TAB1: variants seen among roughly 807,000 people sequenced by gnomAD.
TAB1 encodes the protein TGF-beta activated kinase 1 (MAP3K7) binding protein 1.
TAB1 carries 30 observed loss-of-function variants against 54.5 expected under a neutral mutation model. The observed-to-expected ratio is 0.55, with a 90% CI of 0.41 to 0.75. The LOEUF is 0.75. TAB1 is among the 30% of genes least tolerant of loss of function. The pLI is 0.00. For synonymous variants in TAB1, 289 were observed against 286.9 expected (o/e 1.01, Z -0.07); for missense variants, 609 against 683.2 (o/e 0.89, Z 1.21).
chr22:39,433,497 G>A (rs1400820666), downstream of TAB1: 1 of 985,216 alleles, frequency 1.0e-6, no homozygotes, highest in Non-Finnish European at 1.2e-6. Flanking sequence ...ACCCAGCTAG[G>A]TTGCTGGCTT....
At chr22:39,420,806 TG>T (rs1927041944) in intron 7 of TAB1, among the ~76,000 whole-genome samples, 5 of 148,492 alleles carry the variant, frequency 3.4e-5, no homozygotes, top group Non-Finnish European at 4.5e-5. Flanking sequence ...TGTGTGTGTG[TG>T]TGTGTGTGTG....
chr22:39,422,400 C>CTTTTTTTT lies in TAB1; in HGVS notation c.921+448_921+455dup, dbSNP rs965591327. Among the ~76,000 whole-genome samples, 15 of 88,524 alleles carry CTTTTTTTT rather than the reference C, an allele frequency of 1.7e-4. 3 individuals are homozygous for CTTTTTTTT. The highest frequency in any genetic ancestry group is 2.7e-4 in the Non-Finnish European group (12 of 44,788). The allele number at this position is 88,524 out of a possible 152,430, so 58.1% of individuals were successfully genotyped here. On this transcript the variant is annotated intron_variant, in intron 8 of 10. Coordinates refer to ENST00000216160, the MANE Select transcript of TAB1 (RefSeq NM_006116.3). ...ACAATTTATAGTTTGCTTCTCATTT[C>CTTTTTTTT]TTTTTTTTTTTTTTTTTTTTTTTTT... is the stretch of plus-strand genomic sequence containing the variant.
chr22:39,413,529 GC>G (rs1414649968), intron 1 of TAB1, among the ~76,000 whole-genome samples: 1 of 151,898 alleles, frequency 6.6e-6, no homozygotes, highest in Non-Finnish European at 1.5e-5. Flanking sequence ...CGATTCTCCT[GC>G]CTCAGCCTCC....
intron 7 of TAB1, among the ~76,000 whole-genome samples, chr22:39,421,385 C>G (rs553921793): frequency 6.6e-6 from 1 of 152,194 alleles, no homozygotes; most frequent in Non-Finnish European, 1.5e-5. Flanking sequence ...CATGTAATGA[C>G]TCTGACCCCA....
chr22:39,426,867 G>A lies in TAB1; in HGVS notation c.1086G>A (p.Val362=). 4 of 1,613,298 alleles carry A rather than the reference G, an allele frequency of 2.5e-6. No homozygotes were observed. The highest frequency in any genetic ancestry group is 3.4e-6 in the Non-Finnish European group (4 of 1,179,984). The change falls in exon 9 of 11, where the codon GTG becomes GTA. Residue 362 remains valine, a synonymous_variant. Transcript: ENST00000216160. ...CPRHEDMTLL[V]RNFGYPLGEM... ...GGCACGAGGACATGACCCTGCTAGT[G>A]AGGAACTTTGGCTACCCGCTGGGCG... is the stretch of plus-strand genomic sequence containing the variant.
At chr22:39,420,775 C>CTGTGTGTGTGTGTGTGTG (rs71326771) in intron 7 of TAB1, among the ~76,000 whole-genome samples, 2 of 71,812 alleles carry the variant, frequency 2.8e-5, no homozygotes, top group African/African-American at 1.0e-4. Context: ...CACGGTGTCT[C>CTGTGTGTGTGTGTGTGTG]TGTGTGTGTG....
rs1368975393 is a variant in TAB1 at position 39,414,851 on chromosome 22, CTG to C, written c.34-153_34-152del. On this transcript the variant is annotated intron_variant, in intron 1 of 10. Transcript: ENST00000216160. ...AAACAGCAAACCCTTCTGCAGGTGTCTGTTCATACAAACATTATTGTTTTCCA... is the reference window on the plus strand; with the variant it reads ...AAACAGCAAACCCTTCTGCAGGTGTCTTCATACAAACATTATTGTTTTCCA... 22 of 754,566 alleles carry C rather than the reference CTG, an allele frequency of 2.9e-5. No homozygotes were observed. In the Admixed American group the frequency reaches 4.2e-4, roughly 14 times the overall value. 46.7% of individuals were successfully genotyped at this position (754,566 alleles called of 1,614,324 possible). A position where few individuals can be genotyped will look rare whatever the true frequency, so the allele number is the denominator to read the frequency against.
intron 7 of TAB1, among the ~76,000 whole-genome samples, chr22:39,420,374 G>A (rs755498075): frequency 1.4e-4 from 22 of 152,178 alleles, no homozygotes; most frequent in Admixed American, 3.9e-4. Context: ...GTCCTTAACC[G>A]TCAGGTAACC....
chr22:39,426,926 G>A lies in TAB1; in HGVS notation c.1144+1G>A, dbSNP rs754196601. 6.2e-7 allele frequency: 1 copy of A among 1,610,312 alleles called. No homozygotes were observed. On this transcript the variant is annotated splice_donor_variant, in intron 9 of 10. Transcript: ENST00000216160. LOFTEE classifies it high-confidence loss of function. ...CAGCCCACACCGAGCCCAGCCCCAGGTACGTGTGCTGTGCAGACAGGCAGT... is the reference window on the plus strand; with the variant it reads ...CAGCCCACACCGAGCCCAGCCCCAGATACGTGTGCTGTGCAGACAGGCAGT...
rs1482647654 is a variant in TAB1 at position 39,430,529 on chromosome 22, C to T, written c.*307C>T. The T allele has an allele frequency of 8.7e-6, 11 of 1,270,232 alleles. No individual in the cohort carries two copies. The highest frequency in any genetic ancestry group is 1.1e-5 in the Non-Finnish European group (11 of 995,598). The allele number at this position is 1,270,232 out of a possible 1,614,324, so 78.7% of individuals were successfully genotyped here. ...GCAGTGGGCCTGCAAGCCGCCCGAGCCTCCCCAGCAGCCTCCTACAGAGCA... is the reference window on the plus strand; with the variant it reads ...GCAGTGGGCCTGCAAGCCGCCCGAGTCTCCCCAGCAGCCTCCTACAGAGCA... On this transcript the variant is annotated 3_prime_UTR_variant, in exon 11 of 11. Transcript: ENST00000216160.
intron 8 of TAB1, among the ~76,000 whole-genome samples, chr22:39,425,191 G>A (rs1331892062): frequency 3.3e-5 from 5 of 151,214 alleles, no homozygotes; most frequent in Non-Finnish European, 7.4e-5. Context: ...TGGCTAATAC[G>A]GTGAAACCCC....
intron 8 of TAB1, among the ~76,000 whole-genome samples, chr22:39,422,692 C>A (rs868281597): frequency 6.6e-6 from 1 of 152,112 alleles, no homozygotes; most frequent in Admixed American, 6.5e-5. Flanking sequence ...CCACCGCGCC[C>A]GGCAGTTCAC....
At chr22:39,436,288 G>A (rs552256531), downstream of TAB1, among the ~76,000 whole-genome samples, 4 of 151,106 alleles carry the variant, frequency 2.6e-5, no homozygotes, top group Non-Finnish European at 4.4e-5. Context: ...GCGAGACTCC[G>A]TCTCAAAAAA....
At chr22:39,422,879 C>T (rs1348163492) in intron 8 of TAB1, among the ~76,000 whole-genome samples, 1 of 152,112 alleles carries the variant, frequency 6.6e-6, no homozygotes, top group East Asian at 1.9e-4. Flanking sequence ...AACTGTCTTT[C>T]CCTGACCTCC....
Position 39,426,733 on chromosome 22 carries a change from G to C in TAB1, c.952G>C (p.Ala318Pro). 2 of 1,608,080 alleles carry C rather than the reference G, an allele frequency of 1.2e-6. No homozygotes were observed. The highest frequency in any genetic ancestry group is 1.7e-6 in the Non-Finnish European group (2 of 1,174,998). ...EIAAMIDTEF[A>P]KQTSLDAVAQ... ...TGCTGCGATGATTGACACTGAGTTT[G>C]CCAAGCAGACCTCCCTGGACGCAGT... Residue 318 changes from alanine (A) to proline (P), a missense_variant, in exon 9 of 11, where the codon GCC becomes CCC. Coordinates refer to ENST00000216160, the MANE Select transcript of TAB1 (RefSeq NM_006116.3).
chr22:39,429,818 A>G (rs1927507764), intron 10 of TAB1, 197 bp from the exon 11 acceptor site: 1 of 985,230 alleles, frequency 1.0e-6, no homozygotes, highest in African/African-American at 1.7e-5. Flanking sequence ...AAGTAGCCAC[A>G]TGCATCTGGT....
chr22:39,427,124 A>G (rs1927384706), intron 9 of TAB1, among the ~76,000 whole-genome samples, 199 bp downstream of exon 9: 1 of 152,190 alleles, frequency 6.6e-6, no homozygotes. Flanking sequence ...AATGAGGTTA[A>G]TACCACCTGC....
intron 8 of TAB1, among the ~76,000 whole-genome samples, chr22:39,425,162 C>T (rs558311809): frequency 8.2e-4 from 124 of 150,580 alleles, no homozygotes; most frequent in African/African-American, 2.8e-3. Flanking sequence ...CACTTTAGGT[C>T]AGGAGATCGA....
In TAB1 at chr22:39,417,791, A is replaced by G; in HGVS notation, c.492A>G (p.Gly164=). Residue 164 remains glycine, a synonymous_variant, in exon 5 of 11, where the codon GGA becomes GGG. Transcript: ENST00000216160. ...AGACGTTAGAGAGGGAAATTTCGGG[A>G]GGGGCCATGGCCGTTGTGGCGGTCC... The part of the protein sequence containing the change: ...RLKTLEREIS[G]GAMAVVAVLL... 2 of 1,613,454 alleles carry G rather than the reference A, an allele frequency of 1.2e-6. No homozygotes were observed. Among genetic ancestry groups the G allele is most frequent in the Non-Finnish European group, 1.7e-6 (2 of 1,179,768 alleles).
Sources: gnomAD v4.1 joint callset for allele counts (sites outside exome capture counted in the v4.1 genomes callset) on GRCh38, gnomAD v4.1.1 for gene constraint, MANE v1.5 for transcripts, NCBI Gene and HGNC (gene_info 2026-07-23, HGNC 2026-07-21) for gene names.